The following GRHPR variants were observed in gnomAD, a reference collection of about 807,000 sequenced individuals.
GRHPR encodes glyoxylate reductase/hydroxypyruvate reductase.
Under a neutral mutation model 36.8 loss-of-function variants are expected in GRHPR, and 35 were observed. The observed-to-expected ratio is 0.95, with a 90% CI of 0.73 to 1.26. GRHPR has a LOEUF of 1.26. Ranked by LOEUF, GRHPR falls within the 50% of genes most tolerant of loss-of-function variation. The pLI, the probability that GRHPR is intolerant of heterozygous loss-of-function variation, is 0.00. For missense variants in GRHPR, 380 were observed against 435.0 expected (o/e 0.87, Z 1.12); for synonymous variants, 179 against 181.0 (o/e 0.99, Z 0.09).
At position 37,424,880 on chromosome 9, in the gene GRHPR, T is replaced by C. The variant is rs769706192; in HGVS notation, c.119T>C (p.Ile40Thr). The C allele has an allele frequency of 1.2e-6, 2 of 1,613,556 alleles. No homozygotes were observed. Among genetic ancestry groups the C allele is most frequent in the East Asian group, 4.5e-5 (2 of 44,884 alleles). ...GAGCAGTGGGACTCGGATGAGCCCATCCCTGCCAAGGAGCTAGAGCGAGGT... is the reference window on the plus strand; with the variant it reads ...GAGCAGTGGGACTCGGATGAGCCCACCCCTGCCAAGGAGCTAGAGCGAGGT... ...EVEQWDSDEPIPAKELERGVA... is the reference protein window; with the variant it reads ...EVEQWDSDEPTPAKELERGVA... The change falls in exon 2 of 9, where the codon ATC becomes ACC. Residue 40 changes from isoleucine to threonine, a missense_variant. Physicochemically the swap from Ile to Thr is moderately conservative, Grantham distance 89. Transcript: ENST00000318158.
At position 37,436,887 on chromosome 9, in the gene GRHPR, T is replaced by A; in HGVS notation, c.*105T>A. 1.6e-6 allele frequency: 2 copies of A among 1,256,188 alleles called. No homozygotes were observed. Among genetic ancestry groups the A allele is most frequent in the Non-Finnish European group, 2.3e-6 (2 of 856,558 alleles). The allele number at this position is 1,256,188 out of a possible 1,614,324, so 77.8% of individuals were successfully genotyped here. On this transcript the variant is annotated 3_prime_UTR_variant, in exon 9 of 9. Transcript: ENST00000318158. ...CAGGCAGAGCCAAGGGAAGGTGTGATTCTCTGAGGAAAGAGTGATTCTGAT... is the reference window on the plus strand; with the variant it reads ...CAGGCAGAGCCAAGGGAAGGTGTGAATCTCTGAGGAAAGAGTGATTCTGAT...
Position 37,436,798 on chromosome 9 carries a change from G to A in GRHPR, c.*16G>A. On this transcript the variant is annotated 3_prime_UTR_variant, in exon 9 of 9. Coordinates refer to ENST00000318158, the MANE Select transcript of GRHPR (RefSeq NM_012203.2). Reference sequence around the variant, plus strand: ...CAAGCTGTAGCCAAACAGTAGAGATGGAGGGCCGGGAAGCAAACCGTGCCC... The same window carrying A: ...CAAGCTGTAGCCAAACAGTAGAGATAGAGGGCCGGGAAGCAAACCGTGCCC... The A allele has an allele frequency of 1.2e-6, 2 of 1,613,870 alleles. No individual in the cohort carries two copies. The highest frequency in any genetic ancestry group is 1.7e-6 in the Non-Finnish European group (2 of 1,179,830).
At chr9:37,437,754 CAATGCCTTGCTCTGTGCTCA>C (rs1262579653), downstream of GRHPR, among the ~76,000 whole-genome samples, 13 of 151,694 alleles carry the variant, frequency 8.6e-5, no homozygotes, top group Admixed American at 6.6e-4. Context: ...CTGCCATTGC[CAATGCCTTGCTCTGTGCTCA>C]AGGAATCAGC....
rs1280854629 is a variant in GRHPR at position 37,422,813 on chromosome 9, C to T, written c.63C>T (p.Val21=). ...GCAGGATACCCGCCGAGGGTAGGGTCGCGCTCGCCCGGGCGGCAGAGTAAG... is the reference window on the plus strand; with the variant it reads ...GCAGGATACCCGCCGAGGGTAGGGTTGCGCTCGCCCGGGCGGCAGAGTAAG... ...VTRRIPAEGR[V]ALARAADCEV... Residue 21 remains valine, a synonymous_variant, in exon 1 of 9, where the codon GTC becomes GTT. Coordinates refer to ENST00000318158, the MANE Select transcript of GRHPR (RefSeq NM_012203.2). The T allele has an allele frequency of 6.2e-7, 1 of 1,600,384 alleles. No individual in the cohort carries two copies. Among genetic ancestry groups the T allele is most frequent in the Non-Finnish European group, 8.5e-7 (1 of 1,174,820 alleles).
upstream of GRHPR, chr9:37,422,603 C>T: frequency 8.6e-6 from 6 of 693,944 alleles, no homozygotes; most frequent in South Asian, 8.0e-5. Flanking sequence ...CAGCCGCAAC[C>T]CGGCGCTCCC....
In GRHPR at chr9:37,430,506, C is replaced by T; in HGVS notation, c.599-5C>T. 6.2e-7 allele frequency: 1 copy of T among 1,612,866 alleles called. No individual in the cohort carries two copies. The highest frequency in any genetic ancestry group is 8.5e-7 in the Non-Finnish European group (1 of 1,178,802). On this transcript the variant is annotated splice_region_variant and splice_polypyrimidine_tract_variant and intron_variant, in intron 6 of 8. Transcript: ENST00000318158. ...AGTGCCTGATGGAGTCCTGCCCTCC[C>T]TCAGTGTCTACCCCTGAGCTGGCTG...
intron 7 of GRHPR, 149 bp downstream of exon 7, chr9:37,430,795 T>G (rs1400310674): frequency 1.3e-6 from 1 of 768,940 alleles, no homozygotes. Flanking sequence ...CAGAAATTCG[T>G]GGGAATACAC....
Position 37,434,003 on chromosome 9 carries a change from G to A in GRHPR, c.865+1865G>A, listed in dbSNP as rs1823508883. 4 of 382,118 alleles carry A rather than the reference G, an allele frequency of 1.0e-5. No homozygotes were observed. In the South Asian group the frequency reaches 4.1e-4, roughly 39 times the overall value. The allele number at this position is 382,118 out of a possible 1,614,324, so 23.7% of individuals were successfully genotyped here. A position where few individuals can be genotyped will look rare whatever the true frequency, so the allele number is the denominator to read the frequency against. ...GAGCACTGGGTGTGATGTCAGGGCT[G>A]TCGCCCACAGCCAGGAAAACTGCCC... On this transcript the variant is annotated intron_variant, in intron 8 of 8. Transcript: ENST00000318158.
In GRHPR at chr9:37,424,838, C is replaced by T; in HGVS notation, c.84-7C>T. On this transcript the variant is annotated splice_polypyrimidine_tract_variant and splice_region_variant and intron_variant, in intron 1 of 8. Coordinates refer to ENST00000318158, the MANE Select transcript of GRHPR (RefSeq NM_012203.2). Reference sequence around the variant, plus strand: ...TGCTTCTCCTGAGGGCCTCCCTTTCCCCGCAGCTGTGAGGTGGAGCAGTGG... The same window carrying T: ...TGCTTCTCCTGAGGGCCTCCCTTTCTCCGCAGCTGTGAGGTGGAGCAGTGG... 6.2e-7 allele frequency: 1 copy of T among 1,612,800 alleles called. No homozygotes were observed. The highest frequency in any genetic ancestry group is 1.1e-5 in the South Asian group (1 of 90,890).
downstream of GRHPR, chr9:37,438,188 G>T (rs963806270): frequency 6.6e-6 from 1 of 152,570 alleles, no homozygotes; most frequent in South Asian, 2.1e-4. Flanking sequence ...TGCCTTGATA[G>T]AACTCCTTGA....
intron 8 of GRHPR, chr9:37,432,799 T>C (rs1326529521): frequency 6.5e-6 from 1 of 154,816 alleles, no homozygotes; most frequent in Non-Finnish European, 1.4e-5. Flanking sequence ...AAATTAAAAG[T>C]GTAATGACAA....
intron 8 of GRHPR, chr9:37,434,100 T>C (rs1469103694): frequency 5.3e-6 from 2 of 375,494 alleles, no homozygotes; most frequent in Admixed American, 4.6e-5. Context: ...GGTCTTGGTC[T>C]GAGGAGAGGG....
At chr9:37,430,354 T>G (rs540846698) in intron 6 of GRHPR, 157 bp from the exon 7 acceptor site, 2 of 724,476 alleles carry the variant, frequency 2.8e-6, no homozygotes, top group African/African-American at 3.4e-5. Flanking sequence ...GTGATTTGAC[T>G]TTGTGCACTC....
At chr9:37,427,395 G>GT (rs1487837606) in intron 4 of GRHPR, among the ~76,000 whole-genome samples, 1 of 152,194 alleles carries the variant, frequency 6.6e-6, no homozygotes, top group Non-Finnish European at 1.5e-5. Flanking sequence ...TGCTGCAGAT[G>GT]TAACACTTTT....
At chr9:37,437,083 G>A (rs1823707701), downstream of GRHPR, 2 of 382,576 alleles carry the variant, frequency 5.2e-6, no homozygotes, top group Non-Finnish European at 1.0e-5. Context: ...AGGAGGCTGA[G>A]CGGGAAGGAT....
intron 4 of GRHPR, chr9:37,428,205 C>G: frequency 1.8e-6 from 1 of 550,160 alleles, no homozygotes; most frequent in Non-Finnish European, 3.3e-6. Context: ...TGACCTCAGG[C>G]AAGTCACCCT....
intron 5 of GRHPR, 28 bp downstream of exon 5, chr9:37,428,600 GC>G: frequency 2.0e-6 from 3 of 1,468,302 alleles, no homozygotes; most frequent in Non-Finnish European, 2.8e-6. Context: ...CCGCTTGCCC[GC>G]CCCGGCTCTC....
At chr9:37,433,583 C>T (rs551946256) in intron 8 of GRHPR, among the ~76,000 whole-genome samples, 3 of 152,140 alleles carry the variant, frequency 2.0e-5, no homozygotes, top group Non-Finnish European at 4.4e-5. Flanking sequence ...TGATCAAACA[C>T]AGGTTGCTAG....
chr9:37,423,177 T>G (rs867139834), intron 1 of GRHPR, among the ~76,000 whole-genome samples: 35 of 150,670 alleles, frequency 2.3e-4, no homozygotes, highest in Admixed American at 9.9e-4. Context: ...TTTTTTTTTT[T>G]TTTTTTGAGA....
Sources: gnomAD v4.1 joint callset for allele counts (sites outside exome capture counted in the v4.1 genomes callset) on GRCh38, gnomAD v4.1.1 for gene constraint, MANE v1.5 for transcripts, NCBI Gene and HGNC (gene_info 2026-07-23, HGNC 2026-07-21) for gene names.